LRGUK: variants seen among roughly 807,000 people sequenced by gnomAD.
The protein encoded by LRGUK is leucine rich repeats and guanylate kinase domain containing.
A neutral mutation model predicts 76.0 loss-of-function variants in LRGUK; 65 were observed. The observed-to-expected ratio is 0.85, with a 90% CI of 0.70 to 1.05. The LOEUF is 1.05. Among genes scored for constraint, LRGUK ranks in the 50% least tolerant of loss-of-function variants. LRGUK has a pLI of 0.00. For missense variants in LRGUK, 758 were observed against 732.8 expected (o/e 1.03, Z -0.40); for synonymous variants, 268 against 265.6 (o/e 1.01, Z -0.09).
chr7:134,185,756 C>G (rs1442043591), intron 11 of LRGUK, among the ~76,000 whole-genome samples: 1 of 152,066 alleles, frequency 6.6e-6, no homozygotes, highest in Non-Finnish European at 1.5e-5. Flanking sequence ...AACTTCCTTC[C>G]CTGAAGCTAC....
At position 134,147,710 on chromosome 7, in the gene LRGUK, A is replaced by G. The variant is rs1418082131; in HGVS notation, c.589-528A>G. Among the ~76,000 whole-genome samples the G allele has an allele frequency of 3.3e-4, 50 of 152,298 alleles. 1 individual carries two copies. Among genetic ancestry groups the G allele is most frequent in the Non-Finnish European group, 7.3e-5 (5 of 68,028 alleles). On this transcript the variant is annotated intron_variant, in intron 4 of 15. Transcript: ENST00000645682. Reference sequence around the variant, plus strand: ...GGTTATTGGGAGGTTCCTGTGCACCATGGGGAAGAGGCCTTCTTACTATCC... The same window carrying G: ...GGTTATTGGGAGGTTCCTGTGCACCGTGGGGAAGAGGCCTTCTTACTATCC...
chr7:134,238,553 T>C (rs1339772198), intron 16 of LRGUK, among the ~76,000 whole-genome samples: 1 of 152,152 alleles, frequency 6.6e-6, no homozygotes, highest in Non-Finnish European at 1.5e-5. Context: ...GGTGGGTTTT[T>C]TTGTTTATTT....
chr7:134,196,859 G>T, intron 12 of LRGUK, 133 bp from the exon 13 acceptor site: 1 of 495,456 alleles, frequency 2.0e-6, no homozygotes, highest in Non-Finnish European at 3.6e-6. Flanking sequence ...TTACCCCATT[G>T]TCATCCTTAT....
downstream of LRGUK, among the ~76,000 whole-genome samples, chr7:134,268,040 C>T (rs1266453134): frequency 6.6e-6 from 1 of 152,062 alleles, no homozygotes; most frequent in Non-Finnish European, 1.5e-5. Flanking sequence ...CTACATTAGG[C>T]AAGAAAAGTC....
downstream of LRGUK, among the ~76,000 whole-genome samples, chr7:134,212,649 T>C (rs1301666547): frequency 6.6e-6 from 1 of 152,218 alleles, no homozygotes; most frequent in East Asian, 1.9e-4. Context: ...AAATATATCA[T>C]TTGTTTATTT....
chr7:134,175,633 C>T (rs1388423955), intron 8 of LRGUK, among the ~76,000 whole-genome samples: 1 of 152,196 alleles, frequency 6.6e-6, no homozygotes, highest in Non-Finnish European at 1.5e-5. Flanking sequence ...ACATTCACCT[C>T]ATATACGGTC....
In LRGUK at chr7:134,137,855, G is replaced by GAAA. The variant is rs553547488; in HGVS notation, c.405+733_405+735dup. On this transcript the variant is annotated intron_variant, in intron 2 of 15. Coordinates refer to ENST00000645682, the Ensembl canonical transcript of LRGUK. ...ACAGAGTAAATTTAGGTACATATGA[G>GAAA]AAAAAAAAAACGCACATTGAAATTT... Among the ~76,000 whole-genome samples, 916 of 148,220 alleles carry GAAA rather than the reference G, an allele frequency of 6.2e-3. 8 individuals are homozygous for GAAA. Among genetic ancestry groups the GAAA allele is most frequent in the African/African-American group, 0.022 (875 of 40,276 alleles).
chr7:134,184,671 A>G (rs995073506), intron 11 of LRGUK, among the ~76,000 whole-genome samples: 98 of 152,306 alleles, frequency 6.4e-4, no homozygotes, highest in African/African-American at 2.4e-3. Flanking sequence ...CAAGCAAACC[A>G]GCATGGCTCA....
exon 16 of LRGUK, chr7:134,221,827 T>C (rs759360825): frequency 6.2e-7 from 1 of 1,602,604 alleles, no homozygotes; most frequent in Non-Finnish European, 8.5e-7. Context: ...ACAAAGTATA[T>C]TTCTTCGAAT....
intron 10 of LRGUK, among the ~76,000 whole-genome samples, chr7:134,179,438 C>A (rs1799644301): frequency 6.6e-6 from 1 of 152,118 alleles, no homozygotes; most frequent in South Asian, 2.1e-4. Flanking sequence ...TGGTTTCCCA[C>A]AGAGAGCAAA....
At chr7:134,151,901 G>A (rs768830700) in intron 5 of LRGUK, among the ~76,000 whole-genome samples, 1 of 151,984 alleles carries the variant, frequency 6.6e-6, no homozygotes, top group Non-Finnish European at 1.5e-5. Context: ...AATTCATAGA[G>A]GATGTCTACA....
At chr7:134,181,353 C>G (rs150314363) in intron 10 of LRGUK, among the ~76,000 whole-genome samples, 1 of 151,566 alleles carries the variant, frequency 6.6e-6, no homozygotes, top group Non-Finnish European at 1.5e-5. Flanking sequence ...AAAACAAAAT[C>G]TGATGATAAT....
At chr7:134,221,708 A>G in intron 15 of LRGUK, 71 bp from the exon 16 acceptor site, 1 of 1,246,002 alleles carries the variant, frequency 8.0e-7, no homozygotes, top group Non-Finnish European at 1.1e-6. Context: ...ATAAAAATAT[A>G]AAACATTTCT....
chr7:134,238,132 A>G (rs1484425854), intron 16 of LRGUK, among the ~76,000 whole-genome samples: 1 of 152,208 alleles, frequency 6.6e-6, no homozygotes, highest in African/African-American at 2.4e-5. Context: ...TTAGTTCTCA[A>G]GTATGTACAT....
At chr7:134,175,836 T>C (rs1449008277) in intron 8 of LRGUK, among the ~76,000 whole-genome samples, 1 of 152,180 alleles carries the variant, frequency 6.6e-6, no homozygotes, top group African/African-American at 2.4e-5. Flanking sequence ...ATAATCCTGA[T>C]GGTAGGGAGT....
At chr7:134,257,559 A>G (rs1051040805) in intron 18 of LRGUK, among the ~76,000 whole-genome samples, 12 of 152,196 alleles carry the variant, frequency 7.9e-5, no homozygotes, top group African/African-American at 2.7e-4. Flanking sequence ...TAATCCCAGT[A>G]CTTTCGGAGG....
intron 5 of LRGUK, among the ~76,000 whole-genome samples, chr7:134,157,350 G>T (rs1798514244): frequency 6.6e-6 from 1 of 152,302 alleles, no homozygotes; most frequent in African/African-American, 2.4e-5. Context: ...GGTGCATGTT[G>T]CCCCTGCAGG....
At chr7:134,143,228 T>C (rs1005405518) in intron 4 of LRGUK, 66 bp downstream of exon 4, 1 of 867,312 alleles carries the variant, frequency 1.2e-6, no homozygotes, top group Non-Finnish European at 2.0e-6. Flanking sequence ...ATAAGCAAAA[T>C]AGCACTCAAA....
At chr7:134,239,497 G>A (rs1372086069) in intron 16 of LRGUK, among the ~76,000 whole-genome samples, 1 of 152,220 alleles carries the variant, frequency 6.6e-6, no homozygotes, top group Admixed American at 6.5e-5. Context: ...CAGCGAGGCT[G>A]GGGGAGGGGC....
Sources: gnomAD v4.1 joint callset for allele counts (sites outside exome capture counted in the v4.1 genomes callset) on GRCh38, gnomAD v4.1.1 for gene constraint, MANE v1.5 for transcripts, NCBI Gene and HGNC (gene_info 2026-07-23, HGNC 2026-07-21) for gene names.